FYB1: variants seen among roughly 807,000 people sequenced by gnomAD.
FYB1 encodes the protein FYN binding protein 1.
A neutral mutation model predicts 94.1 loss-of-function variants in FYB1; 41 were observed. That is an observed-to-expected ratio of 0.44 (90% CI 0.34 to 0.57). The LOEUF is 0.57. Ranked by LOEUF, FYB1 falls within the 20% of genes least tolerant of loss-of-function variation. The pLI, the probability that FYB1 is intolerant of heterozygous loss-of-function variation, is 0.02. For missense variants in FYB1, 1,050 were observed against 976.8 expected (o/e 1.07, Z -1.00); for synonymous variants, 367 against 353.2 (o/e 1.04, Z -0.44).
intron 2 of FYB1, among the ~76,000 whole-genome samples, chr5:39,179,275 C>A (rs899341152): frequency 6.6e-6 from 1 of 152,086 alleles, no homozygotes; most frequent in Admixed American, 6.5e-5. Context: ...ACAGCCTGGT[C>A]CCAAAGCTTG....
At position 39,252,798 on chromosome 5, in the gene FYB1, T is replaced by A. The variant is rs149934123; in HGVS notation, c.-28+21605A>T. ...CAGTCTAGGATTGGATCTTTCTGGC[T>A]GCTAATCACTTAACTTCTCTCCCCA... On this transcript the variant is annotated intron_variant, in intron 1 of 1. Transcript: ENST00000510188. 1.9e-3 allele frequency among the ~76,000 whole-genome samples: 283 copies of A among 152,346 alleles called. 3 individuals carry two copies. The highest frequency in any genetic ancestry group is 8.8e-3 in the Admixed American group (135 of 15,304).
rs538508812 is a variant in FYB1, at chr5:39,148,381, GTTTTTTTTTTTTTTTTTTT to G, written c.1292+5048_1292+5066del. Among the ~76,000 whole-genome samples the G allele has an allele frequency of 2.2e-3, 83 of 38,174 alleles. 2 individuals are homozygous for G. Among genetic ancestry groups the G allele is most frequent in the Middle Eastern group, 0.025 (1 of 40 alleles). 25.0% of individuals were successfully genotyped at this position (38,174 alleles called of 152,430 possible). A position where few individuals can be genotyped will look rare whatever the true frequency, so the allele number is the denominator to read the frequency against. The stretch of plus-strand genomic sequence containing the variant: ...GCATTTAGCTTTTAATTATCAGCAG[GTTTTTTTTTTTTTTTTTTT>G]TTTTTTTTTTTTTTTTTTAAAGAAG... On this transcript the variant is annotated intron_variant, in intron 3 of 18. Transcript: ENST00000512982.
At chr5:39,113,239 A>G (rs1739228282) in intron 16 of FYB1, among the ~76,000 whole-genome samples, 1 of 152,110 alleles carries the variant, frequency 6.6e-6, no homozygotes, top group Non-Finnish European at 1.5e-5. Context: ...TACATGTATT[A>G]TAGGGAATGT....
intron 1 of FYB1, among the ~76,000 whole-genome samples, chr5:39,245,014 A>T (rs1211336548): frequency 6.6e-6 from 1 of 151,794 alleles, no homozygotes; most frequent in African/African-American, 2.4e-5. Flanking sequence ...TATTGTTTCT[A>T]TTTGATTATT....
chr5:39,267,947 G>T (rs886332803), intron 1 of FYB1, among the ~76,000 whole-genome samples: 1 of 152,104 alleles, frequency 6.6e-6, no homozygotes, highest in African/African-American at 2.4e-5. Context: ...CAACTGAAAT[G>T]TCCAACTCTA....
intron 1 of FYB1, among the ~76,000 whole-genome samples, chr5:39,218,022 C>CA (rs1443465888): frequency 6.6e-6 from 1 of 152,134 alleles, no homozygotes; most frequent in African/African-American, 2.4e-5. Context: ...AGCATTGCAC[C>CA]AGAAATCAGC....
At chr5:39,268,780 G>T (rs1752544383) in intron 1 of FYB1, among the ~76,000 whole-genome samples, 1 of 152,026 alleles carries the variant, frequency 6.6e-6, no homozygotes, top group Admixed American at 6.5e-5. Context: ...GGTCAGGCAG[G>T]TCTCAAACTC....
chr5:39,199,446 G>A (rs979290263), intron 2 of FYB1, among the ~76,000 whole-genome samples: 7 of 152,070 alleles, frequency 4.6e-5, no homozygotes, highest in African/African-American at 1.4e-4. Flanking sequence ...CTGCAGTATT[G>A]TTGCAAAAGA....
At chr5:39,168,443 A>G (rs1212683745) in intron 2 of FYB1, among the ~76,000 whole-genome samples, 3 of 152,228 alleles carry the variant, frequency 2.0e-5, no homozygotes, top group Non-Finnish European at 2.9e-5. Flanking sequence ...CTGAATGAAA[A>G]CATAATGTAA....
intron 3 of FYB1, 87 bp downstream of exon 3, chr5:39,153,361 A>G: frequency 2.0e-6 from 3 of 1,513,718 alleles, no homozygotes; most frequent in South Asian, 1.1e-5. Flanking sequence ...GAAGTTTCCC[A>G]TGGAACTCTC....
chr5:39,212,480 A>G (rs1451549023), intron 1 of FYB1, among the ~76,000 whole-genome samples: 1 of 152,180 alleles, frequency 6.6e-6, no homozygotes, highest in Non-Finnish European at 1.5e-5. Context: ...GGAATATGAC[A>G]ATGTGGGATA....
intron 1 of FYB1, among the ~76,000 whole-genome samples, chr5:39,215,128 C>T (rs759012654): frequency 7.9e-5 from 12 of 151,784 alleles, no homozygotes; most frequent in Non-Finnish European, 1.5e-4. Flanking sequence ...CGCAACAATG[C>T]GAATGTATGT....
In FYB1 at chr5:39,148,381, GTTTTTTTTTT is replaced by G. The variant is rs538508812; in HGVS notation, c.1292+5057_1292+5066del. 0.012 allele frequency among the ~76,000 whole-genome samples: 451 copies of G among 38,172 alleles called. 22 individuals carry two copies. The East Asian group carries it at 0.18, about 15-fold the overall frequency. The allele number at this position is 38,172 out of a possible 152,430, so 25.0% of individuals were successfully genotyped here. On this transcript the variant is annotated intron_variant, in intron 3 of 18. Transcript: ENST00000512982. ...GCATTTAGCTTTTAATTATCAGCAG[GTTTTTTTTTT>G]TTTTTTTTTTTTTTTTTTTTTTTTT...
rs1416170794 is a variant in FYB1 at position 39,267,903 on chromosome 5, C to T, written c.-28+6500G>A. Among the ~76,000 whole-genome samples, 8 of 152,148 alleles carry T rather than the reference C, an allele frequency of 5.3e-5. No homozygotes were observed. The South Asian group carries it at 1.7e-3, about 31-fold the overall frequency. ...GTATATAAAAAATGCTTGTGACAGTCTTGTCTATATCACCATAAGGAAAGA... is the reference window on the plus strand; with the variant it reads ...GTATATAAAAAATGCTTGTGACAGTTTTGTCTATATCACCATAAGGAAAGA... On this transcript the variant is annotated intron_variant, in intron 1 of 1. Transcript: ENST00000510188.
chr5:39,206,201 A>G (rs994070664), intron 1 of FYB1, among the ~76,000 whole-genome samples: 2 of 152,176 alleles, frequency 1.3e-5, no homozygotes, highest in African/African-American at 2.4e-5. Context: ...ACATGTTCCT[A>G]TGCAGGACAT....
chr5:39,224,370 C>A (rs1750387404), upstream of FYB1, among the ~76,000 whole-genome samples: 1 of 152,134 alleles, frequency 6.6e-6, no homozygotes, highest in Non-Finnish European at 1.5e-5. Context: ...GGGAGGGCTG[C>A]CACCTTCTGC....
chr5:39,273,607 G>C (rs1236007101), intron 1 of FYB1, among the ~76,000 whole-genome samples: 1 of 152,146 alleles, frequency 6.6e-6, no homozygotes, highest in Non-Finnish European at 1.5e-5. Context: ...CTAATAGAAG[G>C]GAGAAGTAGC....
intron 3 of FYB1, among the ~76,000 whole-genome samples, chr5:39,141,979 C>A (rs1742229045): frequency 6.6e-6 from 1 of 152,138 alleles, no homozygotes; most frequent in African/African-American, 2.4e-5. Context: ...CAAGGTGCTT[C>A]ATTCCAATGG....
chr5:39,220,272 G>A (rs1750176788), upstream of FYB1, among the ~76,000 whole-genome samples: 2 of 151,880 alleles, frequency 1.3e-5, no homozygotes, highest in African/African-American at 2.4e-5. Flanking sequence ...TTAGCCAAGT[G>A]TGATGGTGCA....
Sources: gnomAD v4.1 joint callset for allele counts (sites outside exome capture counted in the v4.1 genomes callset) on GRCh38, gnomAD v4.1.1 for gene constraint, MANE v1.5 for transcripts, NCBI Gene and HGNC (gene_info 2026-07-23, HGNC 2026-07-21) for gene names.